Variants in LUZP2 observed in about 807,000 individuals in gnomAD.
LUZP2 encodes the protein leucine zipper protein 2.
Under a neutral mutation model 51.6 loss-of-function variants are expected in LUZP2, and 52 were observed. The observed-to-expected ratio is 1.01, with a 90% CI of 0.81 to 1.27. The LOEUF (loss-of-function observed/expected upper bound fraction) is 1.27. LUZP2 is among the 50% of genes most tolerant of loss of function. LUZP2 has a pLI of 0.00. For missense variants in LUZP2, 436 were observed against 395.4 expected (o/e 1.10, Z -0.87); for synonymous variants, 154 against 137.3 (o/e 1.12, Z -0.85).
At chr11:24,960,280 G>A (rs1304184567) in intron 7 of LUZP2, among the ~76,000 whole-genome samples, 2 of 152,128 alleles carry the variant, frequency 1.3e-5, no homozygotes, top group East Asian at 3.8e-4. Flanking sequence ...GAGTTAGGGA[G>A]GATTCCCTCT....
At chr11:24,741,222 TGACCTCGG>T (rs1291505110) in intron 4 of LUZP2, among the ~76,000 whole-genome samples, 15 of 151,994 alleles carry the variant, frequency 9.9e-5, no homozygotes, top group Admixed American at 2.0e-4. Context: ...TGTTTGAGAG[TGACCTCGG>T]GTTCTCAGAG....
intron 3 of LUZP2, among the ~76,000 whole-genome samples, chr11:24,732,772 A>G (rs1858759496): frequency 2.0e-5 from 3 of 151,772 alleles, no homozygotes; most frequent in Admixed American, 1.3e-4. Context: ...TTAATATGGA[A>G]ACAACTTTAC....
intron 1 of LUZP2, among the ~76,000 whole-genome samples, chr11:24,645,118 C>G (rs958693159): frequency 6.6e-6 from 1 of 152,078 alleles, no homozygotes; most frequent in African/African-American, 2.4e-5. Context: ...GGCATTGTGT[C>G]TAATAATGAC....
At chr11:25,006,205 T>C (rs917172060) in intron 9 of LUZP2, among the ~76,000 whole-genome samples, 4 of 152,082 alleles carry the variant, frequency 2.6e-5, no homozygotes, top group African/African-American at 9.7e-5. Flanking sequence ...AAATCATTCT[T>C]ACAGGAGAAA....
intron 2 of LUZP2, among the ~76,000 whole-genome samples, chr11:24,731,229 G>T (rs1359612788): frequency 6.6e-6 from 1 of 151,684 alleles, no homozygotes; most frequent in Non-Finnish European, 1.5e-5. Context: ...CCATGACTTT[G>T]CGTAGGTCTT....
chr11:24,793,219 C>T (rs1031644114), intron 5 of LUZP2, among the ~76,000 whole-genome samples: 1 of 152,084 alleles, frequency 6.6e-6, no homozygotes, highest in Non-Finnish European at 1.5e-5. Flanking sequence ...TTATTTCAAC[C>T]TTTCCTTGTG....
chr11:24,902,193 GT>G (rs1319567003), intron 5 of LUZP2, among the ~76,000 whole-genome samples: 1 of 152,010 alleles, frequency 6.6e-6, no homozygotes, highest in African/African-American at 2.4e-5. Flanking sequence ...ACATGTGCAG[GT>G]TTTTTATAAA....
chr11:24,955,849 T>C (rs760495372), intron 7 of LUZP2, among the ~76,000 whole-genome samples: 3 of 152,054 alleles, frequency 2.0e-5, no homozygotes, highest in Non-Finnish European at 2.9e-5. Flanking sequence ...TGTTCTATTG[T>C]AAAGACAATA....
At chr11:24,978,816 T>A (rs1238917470) in intron 8 of LUZP2, among the ~76,000 whole-genome samples, 3 of 151,784 alleles carry the variant, frequency 2.0e-5, no homozygotes, top group African/African-American at 7.2e-5. Flanking sequence ...AACTGGAATT[T>A]GGCCTGAGTC....
chr11:24,998,570 G>T (rs895981914), intron 9 of LUZP2, among the ~76,000 whole-genome samples: 1 of 152,180 alleles, frequency 6.6e-6, no homozygotes, highest in Non-Finnish European at 1.5e-5. Flanking sequence ...TATTTCTACA[G>T]AACATGATAT....
At chr11:25,012,752 G>C (rs1432326372) in intron 9 of LUZP2, among the ~76,000 whole-genome samples, 1 of 152,102 alleles carries the variant, frequency 6.6e-6, no homozygotes, top group Non-Finnish European at 1.5e-5. Flanking sequence ...GCAGAGAAAA[G>C]GTAATTCATA....
chr11:25,016,733 G>A (rs1596848), intron 9 of LUZP2, among the ~76,000 whole-genome samples: 71,758 of 151,864 alleles, frequency 0.47, 17,604 homozygotes, highest in East Asian at 0.91. Flanking sequence ...TGCTATAAAC[G>A]TACATATGCA....
At chr11:24,921,375 T>C (rs1229294637) in intron 7 of LUZP2, among the ~76,000 whole-genome samples, 1 of 152,060 alleles carries the variant, frequency 6.6e-6, no homozygotes. Context: ...CCCACCTTAG[T>C]CCTTTAATAT....
intron 5 of LUZP2, among the ~76,000 whole-genome samples, chr11:24,877,011 G>T (rs889024329): frequency 6.6e-6 from 1 of 152,162 alleles, no homozygotes; most frequent in African/African-American, 2.4e-5. Context: ...TTCCTTTTTA[G>T]TGTAACACTC....
chr11:24,864,347 A>T (rs1446787479), intron 5 of LUZP2, among the ~76,000 whole-genome samples: 1 of 152,178 alleles, frequency 6.6e-6, no homozygotes, highest in Non-Finnish European at 1.5e-5. Flanking sequence ...GCTCAAAGAG[A>T]AATAAGGGAT....
intron 5 of LUZP2, among the ~76,000 whole-genome samples, chr11:24,856,861 G>A (rs1851582686): frequency 6.6e-6 from 1 of 151,992 alleles, no homozygotes; most frequent in South Asian, 2.1e-4. Flanking sequence ...AATACTGCAT[G>A]TTCTCACTTA....
At chr11:24,965,047 A>G (rs1315697903) in intron 7 of LUZP2, among the ~76,000 whole-genome samples, 1 of 151,640 alleles carries the variant, frequency 6.6e-6, no homozygotes, top group African/African-American at 2.4e-5. Flanking sequence ...AGTATCAGTA[A>G]AGTAGCTGAG....
At chr11:24,657,748 A>G (rs1855856654) in intron 1 of LUZP2, among the ~76,000 whole-genome samples, 1 of 152,216 alleles carries the variant, frequency 6.6e-6, no homozygotes, top group Non-Finnish European at 1.5e-5. Flanking sequence ...TACAAAATCA[A>G]TGTACAAAAA....
intron 7 of LUZP2, among the ~76,000 whole-genome samples, chr11:24,926,193 A>G (rs1026224531): frequency 6.0e-5 from 9 of 149,456 alleles, no homozygotes; most frequent in African/African-American, 1.2e-4. Flanking sequence ...ATATATGTGT[A>G]TATATATATG....
Sources: allele counts gnomAD v4.1 joint callset (sites outside exome capture counted in the v4.1 genomes callset), GRCh38; gene constraint gnomAD v4.1.1; transcripts MANE v1.5; gene names NCBI Gene and HGNC (gene_info 2026-07-23, HGNC 2026-07-21).